Variants in EXT2 observed in about 807,000 individuals in gnomAD.
The protein encoded by EXT2 is exostosin glycosyltransferase 2.
EXT2 carries 53 observed loss-of-function variants against 81.6 expected under a neutral mutation model. The observed-to-expected ratio is 0.65, with a 90% CI of 0.52 to 0.82. The LOEUF is 0.82. EXT2 is among the 40% of genes least tolerant of loss of function. The pLI is 0.00. For synonymous variants in EXT2, 320 were observed against 340.0 expected (o/e 0.94, Z 0.65); for missense variants, 774 against 910.2 (o/e 0.85, Z 1.93).
intron 10 of EXT2, among the ~76,000 whole-genome samples, chr11:44,232,042 C>T (rs985538639): frequency 6.6e-6 from 1 of 152,054 alleles, no homozygotes; most frequent in African/African-American, 2.4e-5. Context: ...AAGAATGGAA[C>T]CTATTTCATT....
Position 44,249,067 on chromosome 11 carries a change from G to A in EXT2, c.*4780G>A, listed in dbSNP as rs1258286819. 6.6e-6 allele frequency among the ~76,000 whole-genome samples: 1 copy of A among 151,986 alleles called. No individual in the cohort carries two copies. Among genetic ancestry groups the A allele is most frequent in the Non-Finnish European group, 1.5e-5 (1 of 68,004 alleles). ...GCTGGAGTGTAGTGCTGTGATCATGGCTCGCTGCAGCCTCAAACTCCTGGA... is the reference window on the plus strand; with the variant it reads ...GCTGGAGTGTAGTGCTGTGATCATGACTCGCTGCAGCCTCAAACTCCTGGA... On this transcript the variant is annotated 3_prime_UTR_variant, in exon 14 of 14. Transcript: ENST00000533608.
intron 7 of EXT2, among the ~76,000 whole-genome samples, chr11:44,146,877 C>G (rs757982881): frequency 2.6e-5 from 4 of 152,140 alleles, no homozygotes; most frequent in Non-Finnish European, 1.5e-5. Flanking sequence ...GGTCCTTTAA[C>G]AAATGCTTGA....
chr11:44,243,618 CTT>C (rs1215047805), intron 13 of EXT2, among the ~76,000 whole-genome samples: 47 of 72,894 alleles, frequency 6.4e-4, no homozygotes, highest in South Asian at 3.1e-3. Context: ...GCCCTGTCAC[CTT>C]TTTTTTTTTT....
chr11:44,129,935 G>C, intron 6 of EXT2, 110 bp from the exon 7 acceptor site: 1 of 820,422 alleles, frequency 1.2e-6, no homozygotes, highest in South Asian at 1.4e-5. Context: ...ATGTGGGGCT[G>C]AAGGAGGTTT....
intron 1 of EXT2, among the ~76,000 whole-genome samples, chr11:44,105,233 T>C (rs943924747): frequency 6.6e-6 from 1 of 152,222 alleles, no homozygotes; most frequent in African/African-American, 2.4e-5. Context: ...CTTCCCATTA[T>C]ATTAATAGCT....
chr11:44,238,687 T>C (rs1056484813), intron 13 of EXT2, among the ~76,000 whole-genome samples: 12 of 152,296 alleles, frequency 7.9e-5, no homozygotes, highest in South Asian at 2.1e-4. Flanking sequence ...TAAGAATAAC[T>C]TTCTAAAAGA....
chr11:44,238,207 T>G (rs1335749360), intron 13 of EXT2, among the ~76,000 whole-genome samples: 4 of 152,126 alleles, frequency 2.6e-5, no homozygotes, highest in African/African-American at 9.7e-5. Context: ...TTATTATTAT[T>G]ATTAAGAGAA....
intron 1 of EXT2, among the ~76,000 whole-genome samples, chr11:44,097,815 G>A (rs1050441317): frequency 6.6e-6 from 1 of 151,834 alleles, no homozygotes; most frequent in Non-Finnish European, 1.5e-5. Flanking sequence ...AAATAAAAAG[G>A]TTGAAACGAC....
At chr11:44,203,906 A>T (rs186133464) in intron 9 of EXT2, among the ~76,000 whole-genome samples, 1 of 152,372 alleles carries the variant, frequency 6.6e-6, no homozygotes, top group Admixed American at 6.5e-5. Flanking sequence ...CAGTTCAGCT[A>T]TCACTAACAG....
chr11:44,133,844 A>C (rs1954528257), intron 7 of EXT2, among the ~76,000 whole-genome samples: 1 of 152,206 alleles, frequency 6.6e-6, no homozygotes, highest in African/African-American at 2.4e-5. Context: ...GAAAGGCTAC[A>C]ATCTGACAGA....
chr11:44,197,489 CT>C (rs1373365598), intron 8 of EXT2, among the ~76,000 whole-genome samples: 6 of 152,132 alleles, frequency 3.9e-5, no homozygotes, highest in African/African-American at 1.4e-4. Context: ...TCTCCCATCT[CT>C]TTGTCCTTGT....
chr11:44,179,212 C>G (rs1955200498), intron 8 of EXT2, among the ~76,000 whole-genome samples: 1 of 152,140 alleles, frequency 6.6e-6, no homozygotes, highest in African/African-American at 2.4e-5. Context: ...GAGGATATTG[C>G]TAAGATGATC....
intron 4 of EXT2, chr11:44,116,260 A>AT (rs1206797575): frequency 2.0e-5 from 3 of 152,174 alleles, no homozygotes; most frequent in South Asian, 4.1e-4. Flanking sequence ...TATCAACATA[A>AT]TTGTACAATA....
chr11:44,117,827 T>TCATAACTCACTGCAGCCTTGAAC (rs1954244598), intron 4 of EXT2, among the ~76,000 whole-genome samples: 1 of 152,130 alleles, frequency 6.6e-6, no homozygotes, highest in Admixed American at 6.5e-5. Context: ...ATGGGTGGGA[T>TCATAACTCACTGCAGCCTTGAAC]CATAACTCAC....
chr11:44,095,817 A>G lies in EXT2; in HGVS notation c.-66A>G, dbSNP rs575980497. The G allele has an allele frequency of 1.0e-3, 164 of 162,754 alleles. 3 individuals carry two copies. The highest frequency in any genetic ancestry group is 1.3e-5 in the Non-Finnish European group (1 of 75,808). 10.1% of individuals were successfully genotyped at this position (162,754 alleles called of 1,614,324 possible). A position where few individuals can be genotyped will look rare whatever the true frequency, so the allele number is the denominator to read the frequency against. ...CGCCCCGCGGCATGAGCCGGTGACC[A>G]AGCTCGGGGCCGAGCGGGAGGCAGC... On this transcript the variant is annotated 5_prime_UTR_variant, in exon 1 of 14. Coordinates refer to ENST00000533608, the MANE Select transcript of EXT2 (RefSeq NM_207122.2).
chr11:44,214,177 A>C (rs961128027), intron 10 of EXT2, among the ~76,000 whole-genome samples: 1 of 151,888 alleles, frequency 6.6e-6, no homozygotes, highest in Non-Finnish European at 1.5e-5. Context: ...GCAGTGGCGC[A>C]ATCTCGGCTC....
chr11:44,187,197 G>A (rs1286240190), intron 8 of EXT2, among the ~76,000 whole-genome samples: 4 of 151,700 alleles, frequency 2.6e-5, no homozygotes, highest in Non-Finnish European at 5.9e-5. Flanking sequence ...ACCACATGCC[G>A]TGCTACTTTT....
At chr11:44,129,029 C>G (rs571851528) in intron 6 of EXT2, among the ~76,000 whole-genome samples, 1 of 152,146 alleles carries the variant, frequency 6.6e-6, no homozygotes, top group Non-Finnish European at 1.5e-5. Context: ...TGCCAAATGT[C>G]GTGAAGGAAA....
intron 10 of EXT2, among the ~76,000 whole-genome samples, chr11:44,219,536 G>A (rs1955759972): frequency 1.3e-5 from 2 of 152,114 alleles, no homozygotes; most frequent in Non-Finnish European, 2.9e-5. Context: ...AACAAGTCTT[G>A]GACATGCTTC....
Sources: gnomAD v4.1 joint callset for allele counts (sites outside exome capture counted in the v4.1 genomes callset) on GRCh38, gnomAD v4.1.1 for gene constraint, MANE v1.5 for transcripts, NCBI Gene and HGNC (gene_info 2026-07-23, HGNC 2026-07-21) for gene names.